Variants in MITF observed in about 807,000 individuals in gnomAD.
MITF encodes the protein microphthalmia-associated transcription factor.
MITF carries 17 observed loss-of-function variants against 60.5 expected under a neutral mutation model. The ratio of observed to expected loss-of-function variants is 0.28; its 90% confidence interval spans 0.19 to 0.42. The LOEUF (loss-of-function observed/expected upper bound fraction) is 0.42, where lower values mean the gene tolerates loss of function less well. MITF is among the 10% of genes least tolerant of loss of function. The pLI is 1.00. For missense variants in MITF, 622 were observed against 683.5 expected (o/e 0.91, Z 1.00); for synonymous variants, 260 against 248.5 (o/e 1.05, Z -0.43).
intron 2 of MITF, among the ~76,000 whole-genome samples, chr3:69,924,389 G>C (rs2065538221): frequency 6.6e-6 from 1 of 152,178 alleles, no homozygotes. Flanking sequence ...AGGCTGATAG[G>C]TGTGCTAAGT....
chr3:69,927,410 C>A (rs1291182408), intron 2 of MITF, among the ~76,000 whole-genome samples: 1 of 151,988 alleles, frequency 6.6e-6, no homozygotes, highest in African/African-American at 2.4e-5. Flanking sequence ...AGGACAAATA[C>A]CTAATGCATG....
chr3:69,908,975 T>C (rs1426209634), intron 2 of MITF, among the ~76,000 whole-genome samples: 1 of 152,228 alleles, frequency 6.6e-6, no homozygotes, highest in Non-Finnish European at 1.5e-5. Flanking sequence ...GATATAGTGA[T>C]TTCCTTTACC....
chr3:69,813,637 C>A (rs1380720314), intron 1 of MITF, among the ~76,000 whole-genome samples: 1 of 152,118 alleles, frequency 6.6e-6, no homozygotes, highest in Non-Finnish European at 1.5e-5. Flanking sequence ...TTTGAGATTT[C>A]TTTAAAAGGT....
intron 1 of MITF, among the ~76,000 whole-genome samples, chr3:69,855,227 T>C (rs1180915708): frequency 7.1e-6 from 1 of 140,978 alleles, no homozygotes; most frequent in East Asian, 2.1e-4. Flanking sequence ...GCTCATTGCA[T>C]TGCATTTAAA....
intron 2 of MITF, among the ~76,000 whole-genome samples, chr3:69,932,745 C>T (rs1275038041): frequency 1.3e-5 from 2 of 152,158 alleles, no homozygotes; most frequent in Non-Finnish European, 2.9e-5. Flanking sequence ...AGAACCTCGA[C>T]ACTTAATCAG....
At chr3:69,751,533 A>G (rs960374257) in intron 1 of MITF, among the ~76,000 whole-genome samples, 1 of 149,840 alleles carries the variant, frequency 6.7e-6, no homozygotes, top group African/African-American at 2.5e-5. Context: ...TGTTTCATCC[A>G]CTTAGACCCA....
intron 1 of MITF, among the ~76,000 whole-genome samples, chr3:69,744,413 C>T (rs773428408): frequency 3.3e-5 from 5 of 152,002 alleles, no homozygotes; most frequent in Non-Finnish European, 5.9e-5. Flanking sequence ...GTTCTGCCAT[C>T]GATGTCTGTC....
intron 1 of MITF, among the ~76,000 whole-genome samples, chr3:69,773,746 T>C (rs2062430251): frequency 6.6e-6 from 1 of 152,230 alleles, no homozygotes; most frequent in Non-Finnish European, 1.5e-5. Flanking sequence ...TTGAAAACTA[T>C]GAAGCATTAA....
intron 1 of MITF, among the ~76,000 whole-genome samples, chr3:69,775,809 G>A (rs2062464597): frequency 6.6e-6 from 1 of 152,152 alleles, no homozygotes; most frequent in Non-Finnish European, 1.5e-5. Flanking sequence ...AAAGAGCAGA[G>A]TTACCTACTG....
chr3:69,756,605 G>A (rs1357448215), intron 1 of MITF, among the ~76,000 whole-genome samples: 1 of 152,092 alleles, frequency 6.6e-6, no homozygotes, highest in Admixed American at 6.5e-5. Flanking sequence ...ACATGTACAC[G>A]TGTCTTTATG....
chr3:69,766,390 T>A (rs2062294564), intron 1 of MITF, among the ~76,000 whole-genome samples: 1 of 143,968 alleles, frequency 6.9e-6, no homozygotes, highest in South Asian at 2.3e-4. Context: ...TTTTTTTTTT[T>A]TTTTTTTTTT....
chr3:69,832,263 C>T (rs1306360556), intron 1 of MITF, among the ~76,000 whole-genome samples: 1 of 152,148 alleles, frequency 6.6e-6, no homozygotes, highest in Non-Finnish European at 1.5e-5. Context: ...ATTTATACCC[C>T]CACTTAACAT....
intron 2 of MITF, among the ~76,000 whole-genome samples, chr3:69,882,561 A>G (rs978404755): frequency 6.6e-6 from 1 of 152,106 alleles, no homozygotes; most frequent in African/African-American, 2.4e-5. Context: ...TGAATTAACA[A>G]CAACAAAAAA....
chr3:69,933,461 T>G (rs2065766412), intron 2 of MITF, among the ~76,000 whole-genome samples: 2 of 152,146 alleles, frequency 1.3e-5, no homozygotes, highest in African/African-American at 4.8e-5. Flanking sequence ...GTGGTAAAGC[T>G]GAAGTGTGAC....
At chr3:69,921,348 T>C (rs867353194) in intron 2 of MITF, among the ~76,000 whole-genome samples, 1 of 152,228 alleles carries the variant, frequency 6.6e-6, no homozygotes, top group African/African-American at 2.4e-5. Context: ...CTCTCAGATA[T>C]CAATAATGCA....
At chr3:69,739,772 G>A in intron 1 of MITF, 71 bp downstream of exon 1, 3 of 1,181,662 alleles carry the variant, frequency 2.5e-6, no homozygotes, top group Admixed American at 2.0e-5. Flanking sequence ...TCTGGGGCGA[G>A]GAGAGCGGGT....
chr3:69,937,392 G>GTGTGTGTC (rs2065865971), intron 2 of MITF, among the ~76,000 whole-genome samples: 1 of 151,796 alleles, frequency 6.6e-6, no homozygotes, highest in Non-Finnish European at 1.5e-5. Context: ...GTGTGTGTGT[G>GTGTGTGTC]TGTGTGTGTG....
intron 1 of MITF, among the ~76,000 whole-genome samples, chr3:69,792,487 T>C (rs1332290455): frequency 3.9e-5 from 6 of 152,070 alleles, no homozygotes; most frequent in African/African-American, 1.4e-4. Context: ...CGATAGTGTA[T>C]AGATAAAATG....
intron 2 of MITF, among the ~76,000 whole-genome samples, chr3:69,899,765 A>G (rs181388543): frequency 2.9e-4 from 44 of 152,340 alleles, no homozygotes; most frequent in African/African-American, 1.0e-3. Context: ...TAAGGACTGC[A>G]TAAGCTATAA....
Sources: allele counts gnomAD v4.1 joint callset (sites outside exome capture counted in the v4.1 genomes callset), GRCh38; gene constraint gnomAD v4.1.1; transcripts MANE v1.5; gene names NCBI Gene and HGNC (gene_info 2026-07-23, HGNC 2026-07-21).